The following DRC9 variants were observed in gnomAD, a reference collection of about 807,000 sequenced individuals.
DRC9 encodes dynein regulatory complex subunit 9, also known as dynein regulatory complex protein 9.
chr3:197,946,650 G>T, the DRC9 span, among the ~76,000 whole-genome samples: 2 of 152,060 alleles, frequency 1.3e-5, no homozygotes, highest in Non-Finnish European at 2.9e-5. Flanking sequence ...AACTCTGAGA[G>T]ACGTGGTGCA....
the DRC9 span, among the ~76,000 whole-genome samples, chr3:197,920,008 T>A: frequency 1.0e-4 from 15 of 150,400 alleles, no homozygotes; most frequent in South Asian, 1.1e-3. Flanking sequence ...GAGACCAGCC[T>A]GGCTAACATG....
the DRC9 span, among the ~76,000 whole-genome samples, chr3:197,900,042 C>T: frequency 6.6e-6 from 1 of 152,204 alleles, no homozygotes; most frequent in Non-Finnish European, 1.5e-5. The surrounding 1 kb of genome is among the most constrained non-coding windows in gnomAD (Gnocchi z 4.7). Flanking sequence ...GGGTTGAACT[C>T]GGGTGACGCC....
At chr3:197,905,354 C>T in the DRC9 span, among the ~76,000 whole-genome samples, 5 of 152,110 alleles carry the variant, frequency 3.3e-5, no homozygotes, top group Non-Finnish European at 7.3e-5. Context: ...TAAGTATATA[C>T]ACCTACTATG....
the DRC9 span, chr3:197,953,673 T>C: frequency 2.3e-6 from 1 of 438,680 alleles, no homozygotes; most frequent in Admixed American, 2.9e-5. Flanking sequence ...AATTCCTCCT[T>C]TCTGTACACA....
the DRC9 span, chr3:197,953,691 C>A: frequency 2.3e-6 from 1 of 443,174 alleles, no homozygotes; most frequent in South Asian, 1.9e-5. Context: ...ACACAAATAT[C>A]CTCACACTTG....
chr3:197,912,409 A>G, the DRC9 span: 1 of 299,372 alleles, frequency 3.3e-6, no homozygotes, highest in African/African-American at 2.2e-5. Flanking sequence ...TTTGAAAATT[A>G]TGAGTATACA....
chr3:197,950,555 C>G, the DRC9 span: 15 of 328,278 alleles, frequency 4.6e-5, no homozygotes, highest in Non-Finnish European at 8.3e-5. Flanking sequence ...TCTGACCAGT[C>G]TCTTTCCTCA....
At chr3:197,923,160 C>A in the DRC9 span, among the ~76,000 whole-genome samples, 1 of 152,110 alleles carries the variant, frequency 6.6e-6, no homozygotes, top group South Asian at 2.1e-4. Flanking sequence ...ACTCTGTTGC[C>A]CAGGCTGCAG....
At chr3:197,955,903 A>C in the DRC9 span, 1 of 787,422 alleles carries the variant, frequency 1.3e-6, no homozygotes, top group Non-Finnish European at 2.2e-6. Flanking sequence ...TTTTTGGAGT[A>C]CAAGGGGGTC....
chr3:197,948,073 C>T, the DRC9 span, among the ~76,000 whole-genome samples: 109 of 151,504 alleles, frequency 7.2e-4, no homozygotes, highest in South Asian at 2.5e-3. Flanking sequence ...GCTGGGATGA[C>T]AGGCACACAC....
chr3:197,937,526 G>A, the DRC9 span, among the ~76,000 whole-genome samples: 1 of 151,176 alleles, frequency 6.6e-6, no homozygotes, highest in South Asian at 2.1e-4. Flanking sequence ...GTGCAGTGGT[G>A]CCATCTCAGC....
the DRC9 span, chr3:197,943,696 G>A: frequency 1.7e-6 from 2 of 1,154,904 alleles, no homozygotes; most frequent in Non-Finnish European, 2.5e-6. Flanking sequence ...AGAAAAATAA[G>A]TACATTTAAT....
the DRC9 span, among the ~76,000 whole-genome samples, chr3:197,942,087 G>T: frequency 6.6e-6 from 1 of 152,068 alleles, no homozygotes; most frequent in Non-Finnish European, 1.5e-5. Context: ...CTCTGGAAGG[G>T]ATCTATGGGT....
chr3:197,938,903 G>A, the DRC9 span: 1 of 740,538 alleles, frequency 1.4e-6, no homozygotes, highest in Non-Finnish European at 2.3e-6. Context: ...CCAAGAAAAT[G>A]TGCCCCTTTC....
the DRC9 span, chr3:197,938,790 CAATAAACAATTA>C: frequency 6.3e-7 from 1 of 1,582,460 alleles, no homozygotes; most frequent in Non-Finnish European, 8.7e-7. Flanking sequence ...TCTTTTAAAA[CAATAAACAATTA>C]GAAAGAATTT....
At chr3:197,948,565 T>G in the DRC9 span, among the ~76,000 whole-genome samples, 4 of 152,248 alleles carry the variant, frequency 2.6e-5, no homozygotes, top group Admixed American at 2.6e-4. Context: ...TCACACTTAA[T>G]GTGTTATTCC....
the DRC9 span, among the ~76,000 whole-genome samples, chr3:197,909,580 G>C: frequency 6.6e-6 from 1 of 152,060 alleles, no homozygotes; most frequent in South Asian, 2.1e-4. Context: ...TATTCTGAGT[G>C]TGAGATATAT....
At chr3:197,949,848 T>A in the DRC9 span, 2 of 388,706 alleles carry the variant, frequency 5.1e-6, no homozygotes. Context: ...CAGTCAATCA[T>A]TCTTTAGGCA....
chr3:197,911,084 C>A, the DRC9 span, among the ~76,000 whole-genome samples: 2 of 151,422 alleles, frequency 1.3e-5, no homozygotes, highest in African/African-American at 4.8e-5. Context: ...ATTGAAAATG[C>A]TCTTAAAACC....
Sources: gnomAD v4.1 joint callset for allele counts (sites outside exome capture counted in the v4.1 genomes callset) on GRCh38, gnomAD v4.1.1 for gene constraint, Gnocchi (gnomAD v3.1) non-coding constraint, MANE v1.5 for transcripts, NCBI Gene and HGNC (gene_info 2026-07-23, HGNC 2026-07-21) for gene names.